PTPRN2: variants seen among roughly 807,000 people sequenced by gnomAD.
PTPRN2 encodes the protein protein tyrosine phosphatase receptor type N2.
A neutral mutation model predicts 118.8 loss-of-function variants in PTPRN2; 74 were observed. The ratio of observed to expected loss-of-function variants is 0.62; its 90% confidence interval spans 0.52 to 0.76. The LOEUF is 0.76. Ranked by LOEUF, PTPRN2 falls within the 30% of genes least tolerant of loss-of-function variation. The pLI is 0.00. For synonymous variants in PTPRN2, 641 were observed against 608.0 expected (o/e 1.05, Z -0.80); for missense variants, 1,481 against 1,394.4 (o/e 1.06, Z -0.99).
chr7:158,176,814 A>G (rs1254890693), intron 5 of PTPRN2, among the ~76,000 whole-genome samples: 1 of 152,226 alleles, frequency 6.6e-6, no homozygotes, highest in African/African-American at 2.4e-5. Context: ...CAAACTTTTA[A>G]AAAACTCAAA....
chr7:158,292,875 C>T (rs1357183682), intron 3 of PTPRN2, among the ~76,000 whole-genome samples: 1 of 152,036 alleles, frequency 6.6e-6, no homozygotes, highest in Non-Finnish European at 1.5e-5. Context: ...TGAGTTCAGC[C>T]TGGCCAACAT....
rs576954719 is a variant in PTPRN2 at position 158,019,143 on chromosome 7, A to C, written c.1723+62155T>G. On this transcript the variant is annotated intron_variant, in intron 11 of 22. Coordinates refer to ENST00000389418, the MANE Select transcript of PTPRN2 (RefSeq NM_002847.5). ...GAAGCACTTGCAGCCGGACCACCGA[A>C]GGGCTCACGCAGGCCCATCCTCCCA... Among the ~76,000 whole-genome samples, 4 of 152,336 alleles carry C rather than the reference A, an allele frequency of 2.6e-5. No homozygotes were observed. The East Asian group carries it at 7.7e-4, about 29-fold the overall frequency.
chr7:158,283,112 C>T (rs1799537363), intron 3 of PTPRN2, among the ~76,000 whole-genome samples: 2 of 152,218 alleles, frequency 1.3e-5, no homozygotes, highest in Admixed American at 6.5e-5. Context: ...GGAAAGGTAG[C>T]GCTGATGTCA....
At chr7:158,576,823 A>G (rs375293941) in intron 1 of PTPRN2, among the ~76,000 whole-genome samples, 804 of 78,872 alleles carry the variant, frequency 0.01, no homozygotes, top group Middle Eastern at 0.096. Context: ...GCCACAAACA[A>G]CATGGGGCCT....
At chr7:158,398,262 G>C (rs1471468524) in intron 2 of PTPRN2, among the ~76,000 whole-genome samples, 1 of 152,248 alleles carries the variant, frequency 6.6e-6, no homozygotes, top group African/African-American at 2.4e-5. Flanking sequence ...GTGGTAGCAA[G>C]ATTGAGTATG....
intron 3 of PTPRN2, among the ~76,000 whole-genome samples, chr7:158,266,403 T>C (rs1282487876): frequency 3.4e-5 from 5 of 149,174 alleles, no homozygotes; most frequent in Admixed American, 1.3e-4. Context: ...GGACGGTGTC[T>C]GCTGCGGGGT....
Position 158,166,424 on chromosome 7 carries a change from C to T in PTPRN2, c.910+507G>A, listed in dbSNP as rs1333438610. 1.0e-3 allele frequency among the ~76,000 whole-genome samples: 66 copies of T among 66,130 alleles called. 24 individuals are homozygous for T. The highest frequency in any genetic ancestry group is 1.4e-3 in the Non-Finnish European group (47 of 33,890). 43.4% of individuals were successfully genotyped at this position (66,130 alleles called of 152,430 possible). ...CATCTCCTCCTCCCCCCGGGTGCCG[C>T]GTTCCCTGTCCTCACACCCTCAGGA... On this transcript the variant is annotated intron_variant, in intron 6 of 22. Transcript: ENST00000389418.
intron 3 of PTPRN2, among the ~76,000 whole-genome samples, chr7:158,262,561 ACACACACATT>A (rs1230637780): frequency 2.4e-5 from 3 of 127,058 alleles, no homozygotes; most frequent in South Asian, 2.8e-4. Context: ...TGCACACACT[ACACACACATT>A]CACACACAGC....
At chr7:158,071,397 C>CCCG (rs1554528334) in intron 11 of PTPRN2, among the ~76,000 whole-genome samples, 1 of 48,372 alleles carries the variant, frequency 2.1e-5, no homozygotes, top group Non-Finnish European at 4.3e-5. Context: ...GGTGGAGGTG[C>CCCG]TCGTGGTGGA....
rs1288022477 is a variant in PTPRN2, at chr7:157,615,535, C to T, written c.2344+5827G>A. ...CGGCTGGGGTGACCCCATCGCAAGG[C>T]CGGGCCGTGGAAACAATCTCAGCCC... is the stretch of plus-strand genomic sequence containing the variant. On this transcript the variant is annotated intron_variant, in intron 15 of 22. Transcript: ENST00000389418. The surrounding 1 kb of genome is among the most constrained non-coding windows in gnomAD (Gnocchi z 4.3). 3 of 471,212 alleles carry T rather than the reference C, an allele frequency of 6.4e-6. No homozygotes were observed. The highest frequency in any genetic ancestry group is 1.3e-5 in the Non-Finnish European group (3 of 227,058). The allele number at this position is 471,212 out of a possible 1,614,324, so 29.2% of individuals were successfully genotyped here.
chr7:158,168,839 TA>T (rs1420283173), intron 5 of PTPRN2, among the ~76,000 whole-genome samples: 2 of 152,140 alleles, frequency 1.3e-5, no homozygotes, highest in Non-Finnish European at 2.9e-5. Context: ...AGGGCAGCTG[TA>T]AAAATGTGAA....
intron 11 of PTPRN2, among the ~76,000 whole-genome samples, chr7:158,013,475 CCCATCCATATATCTAT>C (rs949652477): frequency 1.3e-5 from 2 of 150,832 alleles, no homozygotes; most frequent in African/African-American, 4.9e-5. Context: ...CACACATCTA[CCCATCCATATATCTAT>C]CCATCCTCCA....
chr7:157,834,965 C>G (rs1807834597), intron 12 of PTPRN2, among the ~76,000 whole-genome samples: 4 of 152,204 alleles, frequency 2.6e-5, no homozygotes, highest in Non-Finnish European at 2.9e-5. Context: ...ATGCATGTAG[C>G]CTGCTGTGGG....
intron 11 of PTPRN2, among the ~76,000 whole-genome samples, chr7:157,940,363 T>C (rs536351427): frequency 1.3e-5 from 2 of 152,284 alleles, no homozygotes; most frequent in East Asian, 1.9e-4. Context: ...TTATAAACAG[T>C]TGACTCTGTG....
At chr7:157,695,563 A>G (rs1797724058) in intron 12 of PTPRN2, among the ~76,000 whole-genome samples, 2 of 152,252 alleles carry the variant, frequency 1.3e-5, no homozygotes, top group Admixed American at 1.3e-4. Context: ...TAAAGTAACA[A>G]TGAGTGCATT....
chr7:158,337,189 A>T (rs1315048625), intron 2 of PTPRN2, among the ~76,000 whole-genome samples: 1 of 152,110 alleles, frequency 6.6e-6, no homozygotes, highest in Non-Finnish European at 1.5e-5. Context: ...TCACACCGAC[A>T]CTCTCACCAT....
intron 1 of PTPRN2, among the ~76,000 whole-genome samples, chr7:158,504,367 T>G (rs952583228): frequency 1.3e-5 from 2 of 151,930 alleles, no homozygotes; most frequent in Non-Finnish European, 2.9e-5. Flanking sequence ...CCACAACAGG[T>G]GCCCAGTCTG....
intron 11 of PTPRN2, among the ~76,000 whole-genome samples, chr7:157,936,899 G>C (rs547030780): frequency 7.2e-5 from 11 of 152,328 alleles, no homozygotes; most frequent in African/African-American, 2.6e-4. Context: ...CTGTCTTTCC[G>C]CCATGGCCAG....
Position 158,570,712 on chromosome 7 carries a change from C to T in PTPRN2, c.112+16846G>A, listed in dbSNP as rs1472114557. On this transcript the variant is annotated intron_variant, in intron 1 of 22. Transcript: ENST00000389418. The surrounding 1 kb of genome is among the most constrained non-coding windows in gnomAD (Gnocchi z 4.5). ...CGCGGCTGGGTACGGTTTGCAACGC[C>T]GAGAGCCCGCGGAGAAGCTTGAGCC... Among the ~76,000 whole-genome samples, 1 of 152,246 alleles carries T rather than the reference C, an allele frequency of 6.6e-6. No homozygotes were observed. The highest frequency in any genetic ancestry group is 2.4e-5 in the African/African-American group (1 of 41,468).
Sources: allele counts gnomAD v4.1 joint callset (sites outside exome capture counted in the v4.1 genomes callset), GRCh38; gene constraint gnomAD v4.1.1; non-coding constraint Gnocchi (gnomAD v3.1); transcripts MANE v1.5; gene names NCBI Gene and HGNC (gene_info 2026-07-23, HGNC 2026-07-21).